BLK: variants seen among roughly 807,000 people sequenced by gnomAD.
BLK encodes the protein tyrosine-protein kinase Blk.
Under a neutral mutation model 61.8 loss-of-function variants are expected in BLK, and 64 were observed. That is an observed-to-expected ratio of 1.03 (90% CI 0.85 to 1.27). BLK has a LOEUF of 1.27. BLK is among the 50% of genes most tolerant of loss of function. The probability of loss-of-function intolerance (pLI) is 0.00; values close to 1 mark genes in which losing one functional copy is unlikely to be tolerated. For synonymous variants in BLK, 351 were observed against 272.0 expected, an observed-to-expected ratio of 1.29 and a Z score of -2.86; for missense variants, 853 against 660.5, an observed-to-expected ratio of 1.29 and a Z score of -3.19.
chr8:11,533,443 C>T (rs1404888612), intron 1 of BLK, among the ~76,000 whole-genome samples: 1 of 152,074 alleles, frequency 6.6e-6, no homozygotes, highest in African/African-American at 2.4e-5. Context: ...TGTCCAGGGC[C>T]TTTTAAGAGA....
intron 2 of BLK, among the ~76,000 whole-genome samples, chr8:11,544,409 C>G (rs1021457280): frequency 1.3e-5 from 2 of 152,208 alleles, no homozygotes; most frequent in Non-Finnish European, 2.9e-5. Flanking sequence ...TTTATCCTAA[C>G]AGGGACCTGA....
intron 1 of BLK, among the ~76,000 whole-genome samples, chr8:11,502,768 G>A (rs567513983): frequency 6.6e-6 from 1 of 152,262 alleles, no homozygotes; most frequent in South Asian, 2.1e-4. Context: ...GCAGCCAAGT[G>A]GGGACAAGTG....
At chr8:11,535,927 C>A (rs747282429) in intron 1 of BLK, among the ~76,000 whole-genome samples, 1 of 152,202 alleles carries the variant, frequency 6.6e-6, no homozygotes, top group African/African-American at 2.4e-5. Context: ...TAGGACTGGC[C>A]TTTACAAATC....
At position 11,561,525 on chromosome 8, in the gene BLK, T is replaced by G; in HGVS notation, c.1180+73T>G. ...CCAGCTCCTCAAAGCCGCCTTTAAC[T>G]TCTCCCAGCACAGCCCTGAGGGAAG... On this transcript the variant is annotated intron_variant, in intron 11 of 12. Transcript: ENST00000259089. The G allele has an allele frequency of 2.6e-6, 4 of 1,563,738 alleles. No homozygotes were observed. In the South Asian group the frequency reaches 4.7e-5, roughly 18 times the overall value.
Position 11,564,085 on chromosome 8 carries a change from C to A in BLK, c.1495C>A (p.Arg499=), listed in dbSNP as rs1053861971. The A allele has an allele frequency of 6.3e-7, 1 of 1,586,520 alleles. No individual in the cohort carries two copies. The highest frequency in any genetic ancestry group is 1.3e-5 in the African/African-American group (1 of 74,658). The change falls in exon 13 of 13, where the codon CGG becomes AGG. Residue 499 remains arginine (R), a synonymous_variant. Coordinates refer to ENST00000259089, the MANE Select transcript of BLK (RefSeq NM_001715.3). ...GGAGGACTTCTACACGGCCACCGAG[C>A]GGCAGTACGAGCTGCAGCCCTAGCC... ...VLEDFYTATE[R]QYELQP is the part of the protein sequence containing the mutation.
intron 12 of BLK, 41 bp downstream of exon 12, chr8:11,563,151 C>T (rs754428117): frequency 2.6e-5 from 42 of 1,612,628 alleles, no homozygotes; most frequent in Middle Eastern, 1.7e-4. Flanking sequence ...CCTGCTTTCC[C>T]GGCCGGCCCT....
chr8:11,503,244 A>T (rs941720868), intron 1 of BLK, among the ~76,000 whole-genome samples: 1 of 152,244 alleles, frequency 6.6e-6, no homozygotes, highest in South Asian at 2.1e-4. Flanking sequence ...CACTTAATAG[A>T]TTAAGCTGGT....
At chr8:11,526,137 A>T (rs1417583540) in intron 1 of BLK, among the ~76,000 whole-genome samples, 1 of 152,176 alleles carries the variant, frequency 6.6e-6, no homozygotes, top group Non-Finnish European at 1.5e-5. Flanking sequence ...TAATGCCAAT[A>T]TCTCTGAGCT....
chr8:11,555,915 C>T (rs976403690), intron 8 of BLK: 6 of 332,700 alleles, frequency 1.8e-5, no homozygotes, highest in Admixed American at 1.2e-4. Flanking sequence ...ACTGAAGCTC[C>T]AGGCCTGGTG....
At chr8:11,543,806 T>C (rs969780252) in intron 2 of BLK, among the ~76,000 whole-genome samples, 1 of 152,210 alleles carries the variant, frequency 6.6e-6, no homozygotes, top group Non-Finnish European at 1.5e-5. Context: ...TGGAATCCCA[T>C]GGGCATTTTA....
chr8:11,561,387 T>G lies in BLK; in HGVS notation c.1115T>G (p.Leu372Trp). The change falls in exon 11 of 13, where the codon TTG becomes TGG. Residue 372 changes from leucine (L) to tryptophan (W), a missense_variant. Coordinates refer to ENST00000259089, the MANE Select transcript of BLK (RefSeq NM_001715.3). Reference sequence around the variant, plus strand: ...GCCAACATCCTGGTGTCTGAGGCCTTGTGCTGCAAAATTGCTGATTTTGGC... The same window carrying G: ...GCCAACATCCTGGTGTCTGAGGCCTGGTGCTGCAAAATTGCTGATTTTGGC... Reference protein sequence around the residue: ...RAANILVSEALCCKIADFGLA... With the variant: ...RAANILVSEAWCCKIADFGLA... 1 of 1,614,114 alleles carries G rather than the reference T, an allele frequency of 6.2e-7. No individual in the cohort carries two copies. Among genetic ancestry groups the G allele is most frequent in the Non-Finnish European group, 8.5e-7 (1 of 1,180,008 alleles).
At chr8:11,498,781 A>G (rs1200249759) in intron 1 of BLK, among the ~76,000 whole-genome samples, 2 of 152,214 alleles carry the variant, frequency 1.3e-5, no homozygotes, top group East Asian at 1.9e-4. Flanking sequence ...TTCTTCATTC[A>G]TTGATAATAG....
At chr8:11,563,792 G>A in intron 12 of BLK, 111 bp from the exon 13 acceptor site, 1 of 1,035,102 alleles carries the variant, frequency 9.7e-7, no homozygotes, top group South Asian at 1.5e-5. Flanking sequence ...CTGGGACTGT[G>A]GGCACTGCTG....
At chr8:11,531,992 G>A (rs1301655155) in intron 1 of BLK, among the ~76,000 whole-genome samples, 1 of 151,878 alleles carries the variant, frequency 6.6e-6, no homozygotes, top group Non-Finnish European at 1.5e-5. Flanking sequence ...CCAAGTAGCT[G>A]TGATTACAGG....
At chr8:11,523,812 C>T (rs959610760) in intron 1 of BLK, among the ~76,000 whole-genome samples, 1 of 148,500 alleles carries the variant, frequency 6.7e-6, no homozygotes, top group Non-Finnish European at 1.5e-5. Flanking sequence ...TTGTTCATCA[C>T]TTTTCACTGA....
Position 11,549,121 on chromosome 8 carries a change from A to C in BLK, c.367A>C (p.Arg123=). The C allele has an allele frequency of 1.2e-6, 2 of 1,603,114 alleles. No individual in the cohort carries two copies. The highest frequency in any genetic ancestry group is 1.7e-6 in the Non-Finnish European group (2 of 1,174,664). Reference sequence around the variant, plus strand: ...CCGAGTGGAGAGCCTGGAAATGGAAAGGTAGGTGGGCACGGGAACCCCCCT... The same window carrying C: ...CCGAGTGGAGAGCCTGGAAATGGAACGGTAGGTGGGCACGGGAACCCCCCT... ...VARVESLEME[R]WFFRSQGRKE... is the part of the protein sequence containing the mutation. The change falls in exon 5 of 13, where the codon AGG becomes CGG. Residue 123 remains arginine, a splice_region_variant and synonymous_variant. Transcript: ENST00000259089.
chr8:11,531,803 C>G (rs1389874517), intron 1 of BLK, among the ~76,000 whole-genome samples: 2 of 152,210 alleles, frequency 1.3e-5, no homozygotes, highest in Non-Finnish European at 2.9e-5. Flanking sequence ...TCCAAGCCCT[C>G]TGACCTTCCT....
chr8:11,528,769 C>T (rs1009130895), intron 1 of BLK, among the ~76,000 whole-genome samples: 3 of 152,036 alleles, frequency 2.0e-5, no homozygotes, highest in African/African-American at 7.2e-5. Context: ...AATAATGAGC[C>T]GTAAAAAGGA....
At position 11,561,151 on chromosome 8, in the gene BLK, G is replaced by T. The variant is rs572146890; in HGVS notation, c.1030-151G>T. 1.6e-3 allele frequency: 1,802 copies of T among 1,148,240 alleles called. 40 individuals are homozygous for T. The South Asian group carries it at 0.022, about 14-fold the overall frequency. 71.1% of individuals were successfully genotyped at this position (1,148,240 alleles called of 1,614,324 possible). On this transcript the variant is annotated intron_variant, in intron 10 of 12. Transcript: ENST00000259089. ...GGGCTTCTAGGAGAGGAGTTTATTC[G>T]GCTGAGGAGCAACACAGTCACCTTT...
Sources: allele counts gnomAD v4.1 joint callset (sites outside exome capture counted in the v4.1 genomes callset), GRCh38; gene constraint gnomAD v4.1.1; transcripts MANE v1.5; gene names NCBI Gene and HGNC (gene_info 2026-07-23, HGNC 2026-07-21).